The following ROR1 variants were observed in gnomAD, a reference collection of about 807,000 sequenced individuals.
ROR1 encodes the protein ROR family WNT receptor 1.
A neutral mutation model predicts 78.8 loss-of-function variants in ROR1; 19 were observed. The ratio of observed to expected loss-of-function variants is 0.24; its 90% confidence interval spans 0.17 to 0.35. The LOEUF is 0.35. Ranked by LOEUF, ROR1 falls within the 10% of genes least tolerant of loss-of-function variation. The probability of loss-of-function intolerance (pLI) is 1.00; values close to 1 mark genes in which losing one functional copy is unlikely to be tolerated. For missense variants in ROR1, 917 were observed against 1,177.8 expected, an observed-to-expected ratio of 0.78 and a Z score of 3.24; for synonymous variants, 386 against 433.6, an observed-to-expected ratio of 0.89 and a Z score of 1.36.
In ROR1 at chr1:64,031,989, C is replaced by T. The variant is rs115525151; in HGVS notation, c.164-17702C>T. On this transcript the variant is annotated intron_variant, in intron 2 of 8. Transcript: ENST00000371079. ...ACATCCAAAACCAGTTCAATATTACCCCCTGGTTTCTTTTCCTAGGAAAAA... is the reference window on the plus strand; with the variant it reads ...ACATCCAAAACCAGTTCAATATTACTCCCTGGTTTCTTTTCCTAGGAAAAA... Among the ~76,000 whole-genome samples the T allele has an allele frequency of 4.4e-3, 667 of 152,158 alleles. 4 individuals carry two copies. The highest frequency in any genetic ancestry group is 0.015 in the African/African-American group (621 of 41,506).
At chr1:63,925,463 G>T (rs1438313137) in intron 1 of ROR1, among the ~76,000 whole-genome samples, 3 of 151,906 alleles carry the variant, frequency 2.0e-5, no homozygotes, top group Non-Finnish European at 2.9e-5. Context: ...GAATAATGCC[G>T]CAATAAACAT....
intron 1 of ROR1, chr1:63,843,151 T>C: frequency 2.2e-6 from 2 of 894,028 alleles, no homozygotes. Flanking sequence ...AGGGCAGATG[T>C]GGGGCTGCCA....
At chr1:64,014,606 C>T (rs535403065) in intron 2 of ROR1, among the ~76,000 whole-genome samples, 7 of 145,060 alleles carry the variant, frequency 4.8e-5, no homozygotes, top group Non-Finnish European at 9.0e-5. Context: ...GGAGAAGGGG[C>T]TGGAAATTGC....
intron 4 of ROR1, among the ~76,000 whole-genome samples, chr1:64,101,973 T>G (rs1194732975): frequency 6.6e-6 from 1 of 152,202 alleles, no homozygotes; most frequent in Non-Finnish European, 1.5e-5. Flanking sequence ...GACTCCTGCT[T>G]TTAGGTGTAT....
chr1:63,824,772 G>A (rs1644943706), intron 1 of ROR1, among the ~76,000 whole-genome samples: 1 of 152,030 alleles, frequency 6.6e-6, no homozygotes, highest in Non-Finnish European at 1.5e-5. Context: ...AAATTTTACA[G>A]TTATGAGCAA....
rs1366856952 is a variant in ROR1 at position 64,067,003 on chromosome 1, G to A, written c.482+16287G>A. Among the ~76,000 whole-genome samples the A allele has an allele frequency of 2.0e-5, 3 of 151,838 alleles. No individual in the cohort carries two copies. In the South Asian group the frequency reaches 6.2e-4, roughly 32 times the overall value. On this transcript the variant is annotated intron_variant, in intron 4 of 8. Transcript: ENST00000371079. ...TTTCTAAGTCTTCAAACTCCAGTGT[G>A]TACCTGTAGTTTATATTTACAGGAC...
At chr1:64,131,991 T>C (rs1648928747) in intron 4 of ROR1, among the ~76,000 whole-genome samples, 1 of 152,162 alleles carries the variant, frequency 6.6e-6, no homozygotes. Context: ...AACCGCCACA[T>C]CTGTCTACTT....
chr1:64,166,444 G>A (rs1294977275), intron 8 of ROR1, among the ~76,000 whole-genome samples: 18 of 152,250 alleles, frequency 1.2e-4, no homozygotes, highest in Admixed American at 1.0e-3. Context: ...AATTGCTTTG[G>A]GCAGTATGGC....
chr1:64,050,767 T>C, intron 4 of ROR1, 51 bp downstream of exon 4: 2 of 1,574,936 alleles, frequency 1.3e-6, no homozygotes, highest in Non-Finnish European at 1.7e-6. Context: ...TCTCCGTGGT[T>C]TTCTAGGGCA....
chr1:63,855,908 C>G (rs757707735), intron 1 of ROR1, among the ~76,000 whole-genome samples: 11 of 152,006 alleles, frequency 7.2e-5, no homozygotes, highest in Non-Finnish European at 1.3e-4. Context: ...CCGCCCACCT[C>G]GGCCTCCCAA....
intron 4 of ROR1, among the ~76,000 whole-genome samples, chr1:64,084,416 C>A (rs1647133382): frequency 6.6e-6 from 1 of 152,204 alleles, no homozygotes; most frequent in East Asian, 1.9e-4. Context: ...ACGATTACTG[C>A]AAGTCTGTAA....
At chr1:63,827,005 T>C (rs561706879) in intron 1 of ROR1, among the ~76,000 whole-genome samples, 1 of 152,266 alleles carries the variant, frequency 6.6e-6, no homozygotes, top group East Asian at 1.9e-4. Context: ...TAACAAGGAA[T>C]GAGATCATGT....
chr1:64,166,265 T>G (rs569844581), intron 8 of ROR1, among the ~76,000 whole-genome samples: 3 of 152,236 alleles, frequency 2.0e-5, no homozygotes, highest in African/African-American at 7.2e-5. Context: ...TTTTGGTTAC[T>G]GTAGCCCTGT....
intron 1 of ROR1, among the ~76,000 whole-genome samples, chr1:63,955,872 G>C (rs1645978025): frequency 1.3e-5 from 2 of 152,196 alleles, no homozygotes; most frequent in South Asian, 4.1e-4. Flanking sequence ...AGGCCTCTGA[G>C]CCTAGTTTTG....
At chr1:64,103,996 A>T (rs1647678593) in intron 4 of ROR1, among the ~76,000 whole-genome samples, 1 of 152,128 alleles carries the variant, frequency 6.6e-6, no homozygotes, top group Non-Finnish European at 1.5e-5. Flanking sequence ...TTAAGGCCAG[A>T]GATGCTGCTA....
chr1:63,861,898 T>C (rs1645184633), intron 1 of ROR1, among the ~76,000 whole-genome samples: 2 of 152,316 alleles, frequency 1.3e-5, no homozygotes, highest in Admixed American at 6.5e-5. Context: ...ACGCCTTTCC[T>C]GACAAGTCTA....
intron 1 of ROR1, among the ~76,000 whole-genome samples, chr1:63,875,842 G>T (rs999692652): frequency 9.2e-5 from 14 of 152,120 alleles, no homozygotes; most frequent in Non-Finnish European, 1.8e-4. Context: ...TAGCTACATT[G>T]CCTACTAATC....
chr1:63,814,674 A>G (rs1644878969), intron 1 of ROR1, among the ~76,000 whole-genome samples: 1 of 151,932 alleles, frequency 6.6e-6, no homozygotes, highest in Admixed American at 6.6e-5. Flanking sequence ...TACCTCGCAT[A>G]TGCAGTTCAC....
chr1:64,134,761 T>G (rs1649044069), intron 4 of ROR1, among the ~76,000 whole-genome samples: 1 of 150,506 alleles, frequency 6.6e-6, no homozygotes, highest in South Asian at 2.1e-4. Flanking sequence ...TTTTTTTTTT[T>G]TTTTTGAGAT....
Sources: allele counts gnomAD v4.1 joint callset (sites outside exome capture counted in the v4.1 genomes callset), GRCh38; gene constraint gnomAD v4.1.1; transcripts MANE v1.5; gene names NCBI Gene and HGNC (gene_info 2026-07-23, HGNC 2026-07-21).